Variants in HIP1 observed in about 807,000 individuals in gnomAD.
HIP1 encodes huntingtin-interacting protein 1.
In HIP1, 65 loss-of-function variants were observed where a neutral mutation model predicts 147.6. That is an observed-to-expected ratio of 0.44 (90% CI 0.36 to 0.54). The LOEUF (loss-of-function observed/expected upper bound fraction) is 0.54, where lower values mean the gene tolerates loss of function less well. Among genes scored for constraint, HIP1 ranks in the 20% least tolerant of loss-of-function variants. HIP1 has a pLI of 0.00. For synonymous variants in HIP1, 479 were observed against 504.0 expected (o/e 0.95, Z 0.67); for missense variants, 1,061 against 1,299.6 (o/e 0.82, Z 2.82).
At chr7:75,720,760 C>T (rs1043759742) in intron 1 of HIP1, among the ~76,000 whole-genome samples, 4 of 151,720 alleles carry the variant, frequency 2.6e-5, no homozygotes, top group African/African-American at 9.7e-5. Context: ...TCATCTCAGC[C>T]GGGTGCGGTG....
chr7:75,661,663 G>T (rs1799320622), intron 1 of HIP1, among the ~76,000 whole-genome samples: 2 of 151,650 alleles, frequency 1.3e-5, no homozygotes, highest in Admixed American at 6.6e-5. Context: ...GTCCAGTCCT[G>T]CCGAGATCCC....
chr7:75,711,993 T>A (rs544760835), intron 1 of HIP1, among the ~76,000 whole-genome samples: 1 of 152,238 alleles, frequency 6.6e-6, no homozygotes, highest in East Asian at 1.9e-4. Context: ...TATTTTTAAA[T>A]AGAAACGAGA....
intron 1 of HIP1, among the ~76,000 whole-genome samples, chr7:75,737,576 C>T (rs1802065797): frequency 1.3e-5 from 2 of 151,616 alleles, no homozygotes; most frequent in African/African-American, 4.8e-5. Flanking sequence ...AAACTCCTGA[C>T]GTCAGGTGAT....
At chr7:75,552,346 C>T (rs12535903) in intron 22 of HIP1, among the ~76,000 whole-genome samples, 8,628 of 152,094 alleles carry the variant, frequency 0.057, 332 homozygotes, top group Non-Finnish European at 0.084. Flanking sequence ...TTCTGGTATA[C>T]AGGACATATT....
chr7:75,684,103 A>G (rs2269888), intron 1 of HIP1, among the ~76,000 whole-genome samples: 56,218 of 151,492 alleles, frequency 0.37, 10,733 homozygotes, highest in African/African-American at 0.42. Flanking sequence ...CAGGAGTTCA[A>G]GACCAGCCTG....
chr7:75,643,031 G>A (rs1191770764), intron 1 of HIP1, among the ~76,000 whole-genome samples: 1 of 152,162 alleles, frequency 6.6e-6, no homozygotes, highest in Non-Finnish European at 1.5e-5. Context: ...GACGTAATTC[G>A]TACAGAAGGT....
intron 1 of HIP1, among the ~76,000 whole-genome samples, chr7:75,692,110 A>G (rs1800474488): frequency 6.6e-6 from 1 of 152,190 alleles, no homozygotes; most frequent in Non-Finnish European, 1.5e-5. Context: ...TCTAATAAGC[A>G]GCCAGCAGTT....
chr7:75,728,834 G>A (rs574932840), intron 1 of HIP1, among the ~76,000 whole-genome samples: 1 of 147,262 alleles, frequency 6.8e-6, no homozygotes, highest in African/African-American at 2.5e-5. Context: ...GACCAGGGAC[G>A]AGGGACCCTG....
chr7:75,730,960 C>T (rs1465837242), intron 1 of HIP1, among the ~76,000 whole-genome samples: 1 of 151,038 alleles, frequency 6.6e-6, no homozygotes, highest in African/African-American at 2.4e-5. Flanking sequence ...GTCTCGAACT[C>T]CTGGCCTCAA....
At chr7:75,719,727 C>A (rs781792357) in intron 1 of HIP1, among the ~76,000 whole-genome samples, 2 of 152,004 alleles carry the variant, frequency 1.3e-5, no homozygotes, top group African/African-American at 2.4e-5. Context: ...GCCCTCCACG[C>A]TCTTTTAATG....
At chr7:75,538,596 A>G (rs56872356) in intron 30 of HIP1, among the ~76,000 whole-genome samples, 12 of 120,690 alleles carry the variant, frequency 9.9e-5, no homozygotes, top group African/African-American at 3.5e-4. Flanking sequence ...TTTTTTTGAG[A>G]TGGAGTCTCG....
At chr7:75,621,104 G>A (rs1797831179) in intron 1 of HIP1, among the ~76,000 whole-genome samples, 1 of 152,146 alleles carries the variant, frequency 6.6e-6, no homozygotes, top group Admixed American at 6.5e-5. Context: ...CTGGCTTGGT[G>A]GCAGAGGTGG....
chr7:75,541,197 C>T (rs1401673775), intron 29 of HIP1, among the ~76,000 whole-genome samples: 1 of 152,012 alleles, frequency 6.6e-6, no homozygotes, highest in Non-Finnish European at 1.5e-5. Flanking sequence ...GAGTTTGAGA[C>T]CAGCCTGGCC....
intron 1 of HIP1, among the ~76,000 whole-genome samples, chr7:75,645,076 G>A (rs73141210): frequency 0.033 from 5,053 of 152,244 alleles, 127 homozygotes; most frequent in East Asian, 0.11. Flanking sequence ...AACTAGGAAG[G>A]TGGGTGTTGC....
At position 75,536,519 on chromosome 7, in the gene HIP1, G is replaced by T. The variant is rs1794090176; in HGVS notation, c.*1653C>A. The T allele has an allele frequency of 4.3e-6, 1 of 230,166 alleles. No homozygotes were observed. Among genetic ancestry groups the T allele is most frequent in the South Asian group, 1.8e-4 (1 of 5,498 alleles). The allele number at this position is 230,166 out of a possible 1,614,324, so 14.3% of individuals were successfully genotyped here. On this transcript the variant is annotated 3_prime_UTR_variant, in exon 31 of 31. Transcript: ENST00000336926. Reference sequence around the variant, plus strand: ...AAGAAGGAAGACGCTGTTTTTCCAAGATCAGAAGGTCACTTAAATGCTGGG... The same window carrying T: ...AAGAAGGAAGACGCTGTTTTTCCAATATCAGAAGGTCACTTAAATGCTGGG...
intron 1 of HIP1, among the ~76,000 whole-genome samples, chr7:75,605,388 GGTGAGGCTGCGT>G (rs1464054259): frequency 2.2e-4 from 34 of 152,182 alleles, no homozygotes; most frequent in African/African-American, 8.0e-4. Context: ...CCAGGAGGCA[GGTGAGGCTGCGT>G]GTGGGAGGCC....
intron 1 of HIP1, among the ~76,000 whole-genome samples, chr7:75,699,719 C>T (rs915149758): frequency 5.3e-5 from 8 of 152,220 alleles, no homozygotes; most frequent in South Asian, 4.1e-4. Context: ...GCCCCTGATC[C>T]GGGTCCAGGC....
intron 1 of HIP1, among the ~76,000 whole-genome samples, chr7:75,693,109 G>A (rs1584955565): frequency 6.6e-6 from 1 of 151,284 alleles, no homozygotes; most frequent in African/African-American, 2.4e-5. Context: ...AGGTTGCAGT[G>A]AGCCGAGATC....
At chr7:75,566,664 A>G (rs1393564773) in intron 9 of HIP1, among the ~76,000 whole-genome samples, 1 of 151,404 alleles carries the variant, frequency 6.6e-6, no homozygotes, top group East Asian at 1.9e-4. Context: ...CCGATGCCCA[A>G]GCCCTGCCTC....
Sources: allele counts gnomAD v4.1 joint callset (sites outside exome capture counted in the v4.1 genomes callset), GRCh38; gene constraint gnomAD v4.1.1; transcripts MANE v1.5; gene names NCBI Gene and HGNC (gene_info 2026-07-23, HGNC 2026-07-21).